Variants in NAPG observed in about 807,000 individuals in gnomAD.
NAPG encodes gamma-soluble NSF attachment protein.
NAPG carries 25 observed loss-of-function variants against 48.4 expected under a neutral mutation model. That is an observed-to-expected ratio of 0.52 (90% CI 0.38 to 0.72). The LOEUF (loss-of-function observed/expected upper bound fraction) is 0.72. Among genes scored for constraint, NAPG ranks in the 30% least tolerant of loss-of-function variants. The pLI is 0.00. For synonymous variants in NAPG, 139 were observed against 127.2 expected (o/e 1.09, Z -0.62); for missense variants, 359 against 372.5 (o/e 0.96, Z 0.30).
chr18:10,546,727 T>G lies in NAPG; in HGVS notation c.585+323T>G, dbSNP rs955213184. On this transcript the variant is annotated intron_variant, in intron 9 of 11. Transcript: ENST00000322897. The surrounding 1 kb of genome is among the most constrained non-coding windows in gnomAD (Gnocchi z 4.0). Reference sequence around the variant, plus strand: ...TCTCGGGTTTTTTTCCATTTCCTCTTGCAGCATTCATTGCCCTGCCCTGAG... The same window carrying G: ...TCTCGGGTTTTTTTCCATTTCCTCTGGCAGCATTCATTGCCCTGCCCTGAG... Among the ~76,000 whole-genome samples, 9 of 152,228 alleles carry G rather than the reference T, an allele frequency of 5.9e-5. No individual in the cohort carries two copies. The highest frequency in any genetic ancestry group is 1.9e-4 in the African/African-American group (8 of 41,464).
Position 10,534,086 on chromosome 18 carries a change from G to A in NAPG, c.228-380G>A, listed in dbSNP as rs919006845. Among the ~76,000 whole-genome samples, 1 of 152,184 alleles carries A rather than the reference G, an allele frequency of 6.6e-6. No individual in the cohort carries two copies. Among genetic ancestry groups the A allele is most frequent in the African/African-American group, 2.4e-5 (1 of 41,446 alleles). On this transcript the variant is annotated intron_variant, in intron 4 of 11. Transcript: ENST00000322897. This position sits in a 1 kb window ranked among gnomAD's most constrained non-coding sequence, Gnocchi z 5.0. ...TGCTTGAACCTGGGAGATGGAGGTT[G>A]CAGTGAGCTGAGATCGTGCCTCTGC...
chr18:10,526,246 G>GGGGGGGGGGGGGC, intron 1 of NAPG, 88 bp downstream of exon 1: 3 of 490,180 alleles, frequency 6.1e-6, no homozygotes, highest in Non-Finnish European at 8.3e-6. Flanking sequence ...GGGCGGGAGG[G>GGGGGGGGGGGGGC]AGGGCTCAGG....
At chr18:10,536,568 G>A (rs908456959) in intron 5 of NAPG, among the ~76,000 whole-genome samples, 1 of 152,168 alleles carries the variant, frequency 6.6e-6, no homozygotes, top group African/African-American at 2.4e-5. Flanking sequence ...TTTCAAGTAG[G>A]CAGCTCATCA....
Position 10,551,514 on chromosome 18 carries a change from CCT to C in NAPG, c.*1295_*1296del, listed in dbSNP as rs764052146. 6.6e-6 allele frequency: 1 copy of C among 152,098 alleles called. No homozygotes were observed. Among genetic ancestry groups the C allele is most frequent in the Non-Finnish European group, 1.5e-5 (1 of 68,022 alleles). The allele number at this position is 152,098 out of a possible 1,614,324, so 9.4% of individuals were successfully genotyped here. A position where few individuals can be genotyped will look rare whatever the true frequency, so the allele number is the denominator to read the frequency against. On this transcript the variant is annotated 3_prime_UTR_variant, in exon 12 of 12. Coordinates refer to ENST00000322897, the MANE Select transcript of NAPG (RefSeq NM_003826.3). ...TGTTTTCGAAACATTCCTTTTTCACCCTGTTGTGTGGCTTAGACCCATCTCGT... is the reference window on the plus strand; with the variant it reads ...TGTTTTCGAAACATTCCTTTTTCACCGTTGTGTGGCTTAGACCCATCTCGT...
At chr18:10,527,916 T>G (rs2031852966) in intron 1 of NAPG, among the ~76,000 whole-genome samples, 1 of 152,024 alleles carries the variant, frequency 6.6e-6, no homozygotes, top group Admixed American at 6.5e-5. Flanking sequence ...CTGGGCCCTG[T>G]CGCTCATGCC....
chr18:10,528,875 G>A (rs1020413262), intron 1 of NAPG, among the ~76,000 whole-genome samples: 4 of 152,172 alleles, frequency 2.6e-5, no homozygotes, highest in African/African-American at 9.7e-5. Flanking sequence ...AGGAGCTTAG[G>A]AGATATTTGA....
Position 10,536,043 on chromosome 18 carries a change from G to A in NAPG, c.258+1547G>A, listed in dbSNP as rs78468083. Among the ~76,000 whole-genome samples, 371 of 152,270 alleles carry A rather than the reference G, an allele frequency of 2.4e-3. 4 individuals are homozygous for A. Among genetic ancestry groups the A allele is most frequent in the African/African-American group, 8.5e-3 (354 of 41,558 alleles). ...TACATTCTTAGTGTACTTCATGCCT[G>A]TTTAAGAAATGCTCAAACACTCTAA... On this transcript the variant is annotated intron_variant, in intron 5 of 11. Transcript: ENST00000322897.
chr18:10,533,009 CTTTCTA>C, intron 3 of NAPG: 1 of 438,634 alleles, frequency 2.3e-6, no homozygotes, highest in Non-Finnish European at 4.0e-6. Context: ...ACAATACTTA[CTTTCTA>C]TTGTTTGTGA....
rs200838407 is a variant in NAPG at position 10,548,343 on chromosome 18, T to C, written c.630T>C (p.Tyr210=). The C allele has an allele frequency of 5.0e-6, 8 of 1,613,916 alleles. No homozygotes were observed. The highest frequency in any genetic ancestry group is 5.9e-6 in the Non-Finnish European group (7 of 1,179,810). ...TAGTTCATCTACACAGAAATGACTA[T>C]GTAGCTGCAGAAAGATGTGTCCGGG... ...QVLVHLHRND[Y]VAAERCVRES... Residue 210 remains tyrosine (Y), a synonymous_variant, in exon 10 of 12, where the codon TAT becomes TAC. Coordinates refer to ENST00000322897, the MANE Select transcript of NAPG (RefSeq NM_003826.3). This position sits in a 1 kb window ranked among gnomAD's most constrained non-coding sequence, Gnocchi z 4.4.
At chr18:10,549,863 A>C (rs2032349877) in intron 11 of NAPG, among the ~76,000 whole-genome samples, 1 of 152,164 alleles carries the variant, frequency 6.6e-6, no homozygotes, top group Admixed American at 6.5e-5. Context: ...TAATTAAAAA[A>C]AATTTATAAT....
intron 1 of NAPG, 143 bp from the exon 2 acceptor site, chr18:10,530,627 T>G: frequency 2.1e-6 from 1 of 475,760 alleles, no homozygotes; most frequent in Non-Finnish European, 3.6e-6. Context: ...TAAGTTTGGA[T>G]GGAGGCGGGT....
In NAPG at chr18:10,548,665, T is replaced by G. The variant is rs934132880; in HGVS notation, c.665+287T>G. ...AGAACAAGAAAAAGGGGGAAAAAAT[T>G]ATCAGATTTATGTTACAGAAATCAA... On this transcript the variant is annotated intron_variant, in intron 10 of 11. Coordinates refer to ENST00000322897, the MANE Select transcript of NAPG (RefSeq NM_003826.3). The surrounding 1 kb of genome is among the most constrained non-coding windows in gnomAD (Gnocchi z 4.4). Among the ~76,000 whole-genome samples the G allele has an allele frequency of 6.6e-6, 1 of 152,074 alleles. No homozygotes were observed. Among genetic ancestry groups the G allele is most frequent in the African/African-American group, 2.4e-5 (1 of 41,416 alleles).
rs1255982111 is a variant in NAPG at position 10,544,679 on chromosome 18, CA to C, written c.507-1646del. Among the ~76,000 whole-genome samples, 1 of 152,190 alleles carries C rather than the reference CA, an allele frequency of 6.6e-6. No individual in the cohort carries two copies. The highest frequency in any genetic ancestry group is 6.5e-5 in the Admixed American group (1 of 15,284). On this transcript the variant is annotated intron_variant, in intron 8 of 11. Coordinates refer to ENST00000322897, the MANE Select transcript of NAPG (RefSeq NM_003826.3). This position sits in a 1 kb window ranked among gnomAD's most constrained non-coding sequence, Gnocchi z 5.1. ...GAAGTCAGCTGATTTGTGTCCTAAT[CA>C]CAGGATGGCCCATCATATTCCGAGG... is the stretch of plus-strand genomic sequence containing the variant.
chr18:10,548,291 T>A lies in NAPG; in HGVS notation c.586-8T>A. The A allele has an allele frequency of 6.2e-7, 1 of 1,606,160 alleles. No homozygotes were observed. The highest frequency in any genetic ancestry group is 8.5e-7 in the Non-Finnish European group (1 of 1,172,970). ...TAAATTTGACCATGATCCTCTCTTT[T>A]GTTTTAGAAAACAATTGCTCAAGTC... On this transcript the variant is annotated splice_region_variant and splice_polypyrimidine_tract_variant and intron_variant, in intron 9 of 11. Coordinates refer to ENST00000322897, the MANE Select transcript of NAPG (RefSeq NM_003826.3). The surrounding 1 kb of genome is among the most constrained non-coding windows in gnomAD (Gnocchi z 4.4).
rs1397387704 is a variant in NAPG, at chr18:10,551,237, T to A, written c.*1017T>A. 6.6e-6 allele frequency: 1 copy of A among 152,092 alleles called. No individual in the cohort carries two copies. The highest frequency in any genetic ancestry group is 1.9e-4 in the East Asian group (1 of 5,204). The allele number at this position is 152,092 out of a possible 1,614,324, so 9.4% of individuals were successfully genotyped here. On this transcript the variant is annotated 3_prime_UTR_variant, in exon 12 of 12. Transcript: ENST00000322897. The stretch of plus-strand genomic sequence containing the variant: ...TAGACATAAGCCACCTCACCCAGCC[T>A]ATGAATATCTTTCTAACATTGTAAG...
At chr18:10,533,622 G>T in intron 4 of NAPG, 69 bp downstream of exon 4, 1 of 1,339,160 alleles carries the variant, frequency 7.5e-7, no homozygotes, top group Non-Finnish European at 1.0e-6. Context: ...TCTGTAGGTT[G>T]GTAATTTTTT....
intron 3 of NAPG, 131 bp from the exon 4 acceptor site, chr18:10,533,405 C>T: frequency 9.3e-6 from 6 of 643,634 alleles, no homozygotes; most frequent in South Asian, 4.8e-5. Context: ...TCTTTTTTAC[C>T]TGTTTGTAGG....
chr18:10,550,189 A>G lies in NAPG; in HGVS notation c.908A>G (p.Glu303Gly). The change falls in exon 12 of 12, where the codon GAG (glutamate) becomes GGG (glycine). Residue 303 changes from glutamate to glycine, a missense_variant. Physicochemically the swap from Glu to Gly is moderately conservative, Grantham distance 98. Transcript: ENST00000322897. The part of the protein sequence containing the change: ...DGVTATAADE[E>G]EDEYSGGLC Reference sequence around the variant, plus strand: ...GTCACTGCCACGGCTGCTGATGAAGAGGAAGATGAATACTCAGGAGGACTA... The same window carrying G: ...GTCACTGCCACGGCTGCTGATGAAGGGGAAGATGAATACTCAGGAGGACTA... The G allele has an allele frequency of 6.3e-7, 1 of 1,589,108 alleles. No homozygotes were observed. Among genetic ancestry groups the G allele is most frequent in the Non-Finnish European group, 8.5e-7 (1 of 1,169,760 alleles).
chr18:10,532,645 G>T (rs1465078568), intron 2 of NAPG, 66 bp from the exon 3 acceptor site: 2 of 1,235,362 alleles, frequency 1.6e-6, no homozygotes, highest in East Asian at 5.1e-5. Flanking sequence ...ATAAAATGCA[G>T]ATTTCAGTAA....
Sources: gnomAD v4.1 joint callset for allele counts (sites outside exome capture counted in the v4.1 genomes callset) on GRCh38, gnomAD v4.1.1 for gene constraint, Gnocchi (gnomAD v3.1) non-coding constraint, MANE v1.5 for transcripts, NCBI Gene and HGNC (gene_info 2026-07-23, HGNC 2026-07-21) for gene names.